ENOX2: variants seen among roughly 807,000 people sequenced by gnomAD.
The protein encoded by ENOX2 is ecto-NOX disulfide-thiol exchanger 2.
A neutral mutation model predicts 45.0 loss-of-function variants in ENOX2; 36 were observed. The observed-to-expected ratio is 0.80, with a 90% confidence interval of 0.61 to 1.06. ENOX2 has a LOEUF of 1.06. Ranked by LOEUF, ENOX2 falls within the 50% of genes least tolerant of loss-of-function variation. The pLI, the probability that ENOX2 is intolerant of heterozygous loss-of-function variation, is 0.00. For missense variants in ENOX2, 423 were observed against 462.5 expected, an observed-to-expected ratio of 0.91 and a Z score of 0.78; for synonymous variants, 174 against 152.3, an observed-to-expected ratio of 1.14 and a Z score of -1.05.
At chrX:130,809,864 T>C (rs901238198) in intron 2 of ENOX2, among the ~76,000 whole-genome samples, 3 of 110,180 alleles carry the variant, frequency 2.7e-5, no homozygotes, top group African/African-American at 6.6e-5. Flanking sequence ...AGCGAGATGA[T>C]TGAAAGTGGA....
chrX:130,866,006 C>T (rs1476335456), intron 2 of ENOX2, among the ~76,000 whole-genome samples: 2 of 111,321 alleles, frequency 1.8e-5, no homozygotes, highest in African/African-American at 6.5e-5. Flanking sequence ...TATAGTGATT[C>T]CCTATGCATA....
intron 2 of ENOX2, among the ~76,000 whole-genome samples, chrX:130,785,000 A>C (rs1441372696): frequency 2.7e-5 from 3 of 110,347 alleles, no homozygotes; most frequent in African/African-American, 9.9e-5. Context: ...CCAGTCAGCT[A>C]AAGGTCAATC....
intron 2 of ENOX2, among the ~76,000 whole-genome samples, chrX:130,898,814 A>C (rs757770943): frequency 2.0e-3 from 221 of 108,926 alleles, no homozygotes; most frequent in Non-Finnish European, 3.1e-3. Flanking sequence ...ATTTTTGGAA[A>C]CATCATGATT....
In ENOX2 at chrX:130,694,283, T is replaced by C. The variant is rs181492326; in HGVS notation, c.98-5265A>G. 1.7e-3 allele frequency among the ~76,000 whole-genome samples: 188 copies of C among 112,066 alleles called. 1 individual carries two copies. The highest frequency in any genetic ancestry group is 5.7e-3 in the African/African-American group (175 of 30,909). ...CAAGGAATGAAAATAGAAAGTACAC[T>C]AAACAGCCAAACTAGACTGACCATG... On this transcript the variant is annotated intron_variant, in intron 4 of 14. Transcript: ENST00000394363.
intron 2 of ENOX2, among the ~76,000 whole-genome samples, chrX:130,898,736 CTTTT>C (rs58534541): frequency 1.0e-4 from 10 of 95,324 alleles, no homozygotes; most frequent in Non-Finnish European, 2.1e-5. Context: ...TCTTTTTTTT[CTTTT>C]TTTTTTTTTT....
chrX:130,871,557 A>C lies in ENOX2; in HGVS notation c.-183+30127T>G, dbSNP rs1162308388. Among the ~76,000 whole-genome samples the C allele has an allele frequency of 2.7e-5, 3 of 111,532 alleles. No individual in the cohort carries two copies. In the Admixed American group the frequency reaches 2.9e-4, roughly 11 times the overall value. The stretch of plus-strand genomic sequence containing the variant: ...CAATGTAGGCTAGCAAAAGAAGAGG[A>C]GGCTTTCTGTGATGTACAGGATTTG... On this transcript the variant is annotated intron_variant, in intron 2 of 14. Coordinates refer to ENST00000394363, the MANE Select transcript of ENOX2 (RefSeq NM_006375.4).
At chrX:130,856,481 A>G (rs146423059) in intron 2 of ENOX2, among the ~76,000 whole-genome samples, 2 of 111,383 alleles carry the variant, frequency 1.8e-5, no homozygotes, top group Non-Finnish European at 3.8e-5. Context: ...TGTAATAAGT[A>G]TTAGAGGTAA....
At chrX:130,633,006 G>C (rs933759514) in intron 12 of ENOX2, among the ~76,000 whole-genome samples, 3 of 111,981 alleles carry the variant, frequency 2.7e-5, no homozygotes, top group Non-Finnish European at 3.8e-5. Flanking sequence ...AAATATTCTG[G>C]GAAGTTTTAG....
At chrX:130,637,561 C>CTGTT (rs201789552) in intron 10 of ENOX2, 151 bp from the exon 11 acceptor site, 391 of 423,429 alleles carry the variant, frequency 9.2e-4, no homozygotes, top group African/African-American at 8.5e-3. Context: ...GCACACAGGC[C>CTGTT]TGTTTTTATA....
At chrX:130,889,962 C>A (rs2062708552) in intron 2 of ENOX2, among the ~76,000 whole-genome samples, 2 of 112,816 alleles carry the variant, frequency 1.8e-5, no homozygotes, top group South Asian at 7.3e-4. Context: ...TCAGGTTCAG[C>A]AAAGGAGGCT....
chrX:130,754,048 AT>A (rs1343972009), intron 3 of ENOX2, among the ~76,000 whole-genome samples: 1 of 112,042 alleles, frequency 8.9e-6, no homozygotes, highest in Non-Finnish European at 1.9e-5. Context: ...AGAAAAGAAC[AT>A]TTTTGAATAT....
At chrX:130,685,773 T>C (rs1262826092) in intron 5 of ENOX2, among the ~76,000 whole-genome samples, 3 of 110,926 alleles carry the variant, frequency 2.7e-5, no homozygotes, top group Non-Finnish European at 5.7e-5. Flanking sequence ...GAGTATGAGG[T>C]CAGGAAGTAG....
chrX:130,892,887 A>C (rs2079005923), intron 2 of ENOX2, among the ~76,000 whole-genome samples: 1 of 112,681 alleles, frequency 8.9e-6, no homozygotes, highest in African/African-American at 3.2e-5. Flanking sequence ...AAAAGAATGG[A>C]TAGATTAATA....
At chrX:130,711,929 C>A (rs1351558203) in intron 3 of ENOX2, among the ~76,000 whole-genome samples, 1 of 111,135 alleles carries the variant, frequency 9.0e-6, no homozygotes, top group Non-Finnish European at 1.9e-5. Flanking sequence ...AAGAAGAAGG[C>A]CACAGAATTT....
intron 12 of ENOX2, among the ~76,000 whole-genome samples, chrX:130,632,285 A>G (rs1212630026): frequency 1.9e-5 from 2 of 103,259 alleles, no homozygotes; most frequent in Non-Finnish European, 3.9e-5. Flanking sequence ...GCAAGAAATG[A>G]CCATGACAAA....
intron 10 of ENOX2, among the ~76,000 whole-genome samples, chrX:130,654,776 C>T (rs2036502885): frequency 8.9e-6 from 1 of 112,329 alleles, no homozygotes; most frequent in Non-Finnish European, 1.9e-5. Flanking sequence ...AAGAAAATAG[C>T]TATAAGATGA....
chrX:130,641,416 G>T (rs181466002), intron 10 of ENOX2, among the ~76,000 whole-genome samples: 3 of 111,800 alleles, frequency 2.7e-5, no homozygotes, highest in Non-Finnish European at 1.9e-5. Context: ...ATGAAAAAGT[G>T]AATGTAAAAT....
At chrX:130,893,277 G>A (rs2079010402) in intron 2 of ENOX2, among the ~76,000 whole-genome samples, 1 of 112,118 alleles carries the variant, frequency 8.9e-6, no homozygotes, top group South Asian at 3.7e-4. Context: ...GCCATTTTCA[G>A]TAGTGAGGGC....
At chrX:130,627,100 T>C (rs2035565299) in intron 14 of ENOX2, among the ~76,000 whole-genome samples, 1 of 111,442 alleles carries the variant, frequency 9.0e-6, no homozygotes, top group Non-Finnish European at 1.9e-5. Flanking sequence ...GACCATGAGA[T>C]CATCTGTGAG....
Sources: allele counts gnomAD v4.1 joint callset (sites outside exome capture counted in the v4.1 genomes callset), GRCh38; gene constraint gnomAD v4.1.1; transcripts MANE v1.5; gene names NCBI Gene and HGNC (gene_info 2026-07-23, HGNC 2026-07-21).